RNF123: variants seen among roughly 807,000 people sequenced by gnomAD.
RNF123 encodes the protein E3 ubiquitin-protein ligase RNF123.
Under a neutral mutation model 168.5 loss-of-function variants are expected in RNF123, and 86 were observed. The observed-to-expected ratio is 0.51, with a 90% CI of 0.43 to 0.61. The LOEUF is 0.61. Among genes scored for constraint, RNF123 ranks in the 20% least tolerant of loss-of-function variants. The pLI is 0.00. For synonymous variants in RNF123, 666 were observed against 689.1 expected (o/e 0.97, Z 0.52); for missense variants, 1,419 against 1,729.7 (o/e 0.82, Z 3.19).
chr3:49,715,661 G>A lies in RNF123; in HGVS notation c.3097G>A (p.Val1033Ile), dbSNP rs199902925. ...PDVAPSFLNSVLNQLNWAFSE... is the reference protein window; with the variant it reads ...PDVAPSFLNSILNQLNWAFSE... ...TGTGGCACCCAGCTTCCTCAACAGC[G>A]TCCTCAATCAGCTCAACTGGGCCTT... The change falls in exon 32 of 39, where the codon GTC becomes ATC. Residue 1033 changes from valine to isoleucine, a missense_variant. Around this residue, in one of 5 missense-constraint regions of RNF123, gnomAD observed 538 missense variants for 708.8 expected, o/e 0.76. Coordinates refer to ENST00000327697, the MANE Select transcript of RNF123 (RefSeq NM_022064.5). The A allele has an allele frequency of 1.7e-5, 28 of 1,614,230 alleles. No individual in the cohort carries two copies. Among genetic ancestry groups the A allele is most frequent in the Admixed American group, 8.3e-5 (5 of 60,026 alleles).
chr3:49,702,898 C>G, intron 20 of RNF123, 145 bp downstream of exon 20: 2 of 1,253,412 alleles, frequency 1.6e-6, no homozygotes, highest in Non-Finnish European at 2.2e-6. Context: ...TCCTACCCAG[C>G]CACAGGCGGC....
intron 25 of RNF123, 99 bp from the exon 26 acceptor site, chr3:49,706,692 C>T: frequency 2.0e-6 from 2 of 1,008,828 alleles, no homozygotes; most frequent in Non-Finnish European, 3.1e-6. Context: ...CTTGCCTGCT[C>T]CAGGCACTAG....
At chr3:49,697,054 C>A (rs1310894484) in intron 3 of RNF123, 89 bp from the exon 4 acceptor site, 2 of 1,131,614 alleles carry the variant, frequency 1.8e-6, no homozygotes, top group Admixed American at 3.8e-5. Context: ...GGCAGCCCCC[C>A]TGTGAGCTCA....
intron 35 of RNF123, chr3:49,719,195 G>A: frequency 6.2e-6 from 10 of 1,613,338 alleles, no homozygotes; most frequent in Non-Finnish European, 7.6e-6. Flanking sequence ...TGGTCTAGGT[G>A]CAGGGCGCGC....
At chr3:49,705,762 C>G in intron 24 of RNF123, 83 bp downstream of exon 24, 1 of 1,586,206 alleles carries the variant, frequency 6.3e-7, no homozygotes, top group Non-Finnish European at 8.6e-7. Context: ...CACATGGGCC[C>G]GCAGGGCTGC....
chr3:49,716,356 T>C (rs2080244655), intron 34 of RNF123, 37 bp from the exon 35 acceptor site: 1 of 1,599,542 alleles, frequency 6.3e-7, no homozygotes, highest in Non-Finnish European at 8.6e-7. Context: ...AGCAGGAGCA[T>C]GTGGGTGGCT....
chr3:49,707,178 A>G (rs1468771666), intron 26 of RNF123, among the ~76,000 whole-genome samples: 2 of 66,268 alleles, frequency 3.0e-5, no homozygotes, highest in South Asian at 9.2e-4. Flanking sequence ...ACCCCCTCCC[A>G]GTTTCTTGGC....
chr3:49,705,419 G>T (rs545728440), intron 23 of RNF123, 115 bp from the exon 24 acceptor site: 1 of 1,451,000 alleles, frequency 6.9e-7, no homozygotes, highest in African/African-American at 1.4e-5. Flanking sequence ...TGGGCTCCCC[G>T]CGGGTCCCTC....
chr3:49,706,617 AG>A (rs1400223511), intron 25 of RNF123, among the ~76,000 whole-genome samples, 173 bp from the exon 26 acceptor site: 1 of 152,180 alleles, frequency 6.6e-6, no homozygotes, highest in Admixed American at 6.5e-5. Context: ...CCTTGTTCTG[AG>A]GCTGGCTCAG....
At position 49,720,511 on chromosome 3, in the gene RNF123, G is replaced by T. The variant is rs779167265; in HGVS notation, c.3501G>T (p.Glu1167Asp). 6.3e-7 allele frequency: 1 copy of T among 1,578,552 alleles called. No homozygotes were observed. Among genetic ancestry groups the T allele is most frequent in the Admixed American group, 1.8e-5 (1 of 56,000 alleles). The change falls in exon 36 of 39, where the codon GAG (glutamate) becomes GAT (aspartate). Residue 1167 changes from glutamate (E) to aspartate (D), a missense_variant and splice_region_variant. Coordinates refer to ENST00000327697, the MANE Select transcript of RNF123 (RefSeq NM_022064.5). ...VQLLVRGPAS[E>D]REQATSVLLA... The stretch of plus-strand genomic sequence containing the variant: ...TGCCCTTGCACCCTCCCCTACCTAG[G>T]AGAGAGCAAGCCACATCAGTGCTCC...
chr3:49,717,668 C>T, intron 35 of RNF123: 1 of 529,030 alleles, frequency 1.9e-6, no homozygotes, highest in Non-Finnish European at 3.4e-6. Flanking sequence ...CCTCACAGGG[C>T]ATTTGGGCAC....
At chr3:49,717,561 A>T in intron 35 of RNF123, 1 of 246,522 alleles carries the variant, frequency 4.1e-6, no homozygotes, top group East Asian at 1.1e-4. Flanking sequence ...GGTGGACGGG[A>T]GGCTCTGCTA....
intron 3 of RNF123, among the ~76,000 whole-genome samples, chr3:49,694,320 C>T (rs887826570): frequency 4.6e-5 from 7 of 152,176 alleles, no homozygotes; most frequent in African/African-American, 1.7e-4. Context: ...ATGGACATGT[C>T]CCTCACTTCC....
chr3:49,693,304 T>A (rs1353922412), intron 3 of RNF123, among the ~76,000 whole-genome samples: 2 of 142,090 alleles, frequency 1.4e-5, no homozygotes. Flanking sequence ...CACCTCGGCC[T>A]CCCAAAGTGC....
chr3:49,717,499 C>T (rs750876652), intron 35 of RNF123: 1 of 181,358 alleles, frequency 5.5e-6, no homozygotes, highest in Non-Finnish European at 1.2e-5. Context: ...GGGGAGGTGG[C>T]CCTGCGTCAG....
At chr3:49,697,747 G>A (rs2054296947) in intron 5 of RNF123, 138 bp from the exon 6 acceptor site, 17 of 1,037,836 alleles carry the variant, frequency 1.6e-5, no homozygotes, top group East Asian at 4.7e-5. Context: ...CGCTCCCACC[G>A]TCCTCAGGCA....
chr3:49,713,022 A>T (rs1021972907), intron 27 of RNF123: 2 of 679,666 alleles, frequency 2.9e-6, no homozygotes, highest in Non-Finnish European at 5.4e-6. Flanking sequence ...GGTCAGGGGC[A>T]GAATGGTTTG....
chr3:49,711,747 T>C (rs986172748), intron 26 of RNF123, among the ~76,000 whole-genome samples: 2 of 152,170 alleles, frequency 1.3e-5, no homozygotes, highest in African/African-American at 2.4e-5. Flanking sequence ...ACATAGACTT[T>C]GTGGAAACCA....
chr3:49,716,436 G>A lies in RNF123; in HGVS notation c.3459G>A (p.Thr1153=), dbSNP rs752620252. Residue 1153 remains threonine, a synonymous_variant, in exon 35 of 39, where the codon ACG becomes ACA. Coordinates refer to ENST00000327697, the MANE Select transcript of RNF123 (RefSeq NM_022064.5). The part of the protein sequence containing the change: ...VDHYPILVAV[T]GILVQLLVRG... ...ACTATCCCATTCTGGTGGCAGTGAC[G>A]GGCATCCTGGTGCAGCTCCTGGTGC... 17 of 1,614,072 alleles carry A rather than the reference G, an allele frequency of 1.1e-5. No homozygotes were observed. Among genetic ancestry groups the A allele is most frequent in the South Asian group, 2.2e-5 (2 of 91,072 alleles).
Sources: gnomAD v4.1 joint callset for allele counts (sites outside exome capture counted in the v4.1 genomes callset) on GRCh38, gnomAD v4.1.1 for gene constraint, gnomAD v4.1.1 regional missense constraint, MANE v1.5 for transcripts, NCBI Gene and HGNC (gene_info 2026-07-23, HGNC 2026-07-21) for gene names.